Variants in HENMT1 observed in about 807,000 individuals in gnomAD.
The protein encoded by HENMT1 is small RNA 2'-O-methyltransferase.
In HENMT1, 27 loss-of-function variants were observed where a neutral mutation model predicts 31.1. The observed-to-expected ratio is 0.87, with a 90% confidence interval of 0.64 to 1.20. The LOEUF (loss-of-function observed/expected upper bound fraction) is 1.20. Ranked by LOEUF, HENMT1 falls within the 50% of genes most tolerant of loss-of-function variation. HENMT1 has a pLI of 0.00. For missense variants in HENMT1, 438 were observed against 469.6 expected, an observed-to-expected ratio of 0.93 and a Z score of 0.62; for synonymous variants, 167 against 172.2, an observed-to-expected ratio of 0.97 and a Z score of 0.24.
In HENMT1 at chr1:108,654,819, G is replaced by C; in HGVS notation, c.295C>G (p.Leu99Val). 6.2e-7 allele frequency: 1 copy of C among 1,614,094 alleles called. No individual in the cohort carries two copies. Among genetic ancestry groups the C allele is most frequent in the Non-Finnish European group, 8.5e-7 (1 of 1,179,974 alleles). The change falls in exon 5 of 8, where the codon CTG (leucine) becomes GTG (valine). Residue 99 changes from leucine (L) to valine (V), a missense_variant. Transcript: ENST00000651461. Reference protein sequence around the residue: ...DSLAPFLGDFLKPRDLNLTIT... With the variant: ...DSLAPFLGDFVKPRDLNLTIT... ...GTCAAATTCAGATCCCGAGGTTTCA[G>C]AAAATCCCCCAGGAAAGGAGCTAAC...
At chr1:108,660,610 C>A (rs72695692) in intron 1 of HENMT1, among the ~76,000 whole-genome samples, 1,795 of 152,356 alleles carry the variant, frequency 0.012, 14 homozygotes, top group Non-Finnish European at 0.021. Flanking sequence ...ATCTAGGCAA[C>A]ATGTTAGTCA....
upstream of HENMT1, chr1:108,661,446 T>A (rs1658482845): frequency 1.3e-5 from 2 of 152,372 alleles, no homozygotes; most frequent in South Asian, 2.1e-4. Context: ...TCCGAGCGCG[T>A]CCGCAGACCG....
chr1:108,661,006 A>G lies in HENMT1; in HGVS notation c.-122T>C. ...CTTTGTACGGGCCGTCGCTTCCATCATCCTGCGGTAAGCAGCATGCCCAAC... is the reference window on the plus strand; with the variant it reads ...CTTTGTACGGGCCGTCGCTTCCATCGTCCTGCGGTAAGCAGCATGCCCAAC... On this transcript the variant is annotated 5_prime_UTR_variant, in exon 1 of 8. The change abolishes an upstream ATG in the 5' untranslated region. Coordinates refer to ENST00000651461, the MANE Select transcript of HENMT1 (RefSeq NM_001102592.2). 2.0e-6 allele frequency: 2 copies of G among 985,166 alleles called. No homozygotes were observed. Among genetic ancestry groups the G allele is most frequent in the Non-Finnish European group, 2.4e-6 (2 of 829,832 alleles). 61.0% of individuals were successfully genotyped at this position (985,166 alleles called of 1,614,324 possible).
intron 2 of HENMT1, among the ~76,000 whole-genome samples, chr1:108,657,956 T>A (rs905568310): frequency 2.1e-5 from 3 of 144,098 alleles, no homozygotes; most frequent in Admixed American, 6.7e-5. Context: ...ATATTTATAA[T>A]GACTGACTAT....
Position 108,651,119 on chromosome 1 carries a change from T to A in HENMT1, c.489A>T (p.Pro163=). The part of the protein sequence containing the change: ...LSPSMIVIST[P]NSEFNPLFPS... ...GAAACAGGGGATTGAATTCAGAGTT[T>A]GGTGTGCTGATGACAATCATGGATG... The change falls in exon 6 of 8, where the codon CCA becomes CCT. Residue 163 remains proline, a synonymous_variant. Coordinates refer to ENST00000651461, the MANE Select transcript of HENMT1 (RefSeq NM_001102592.2). 6.2e-7 allele frequency: 1 copy of A among 1,613,982 alleles called. No homozygotes were observed. The highest frequency in any genetic ancestry group is 8.5e-7 in the Non-Finnish European group (1 of 1,179,854).
chr1:108,651,889 T>TA (rs34728420), intron 5 of HENMT1, among the ~76,000 whole-genome samples: 4 of 151,768 alleles, frequency 2.6e-5, no homozygotes, highest in East Asian at 1.9e-4. Flanking sequence ...TCAATACCTC[T>TA]AAAAAAAAGT....
intron 7 of HENMT1, chr1:108,649,990 T>A (rs774753917): frequency 1.4e-5 from 9 of 646,026 alleles, no homozygotes; most frequent in Non-Finnish European, 2.6e-5. Context: ...AGCAGATCAT[T>A]CCCTTTAACA....
chr1:108,657,155 G>A (rs1016092906), intron 3 of HENMT1, among the ~76,000 whole-genome samples: 3 of 151,918 alleles, frequency 2.0e-5, no homozygotes, highest in Non-Finnish European at 2.9e-5. Flanking sequence ...TTCCCCCAGG[G>A]CCCTGCACTA....
chr1:108,658,143 TC>T (rs371678739), intron 2 of HENMT1, among the ~76,000 whole-genome samples: 2 of 148,028 alleles, frequency 1.4e-5, no homozygotes, highest in Non-Finnish European at 3.0e-5. Context: ...ATTTTTTTTT[TC>T]CCCCCAAGAC....
At chr1:108,649,457 A>G (rs1487784361) in intron 7 of HENMT1, 4 of 441,906 alleles carry the variant, frequency 9.1e-6, no homozygotes, top group East Asian at 7.0e-5. Flanking sequence ...AACAAAAAAC[A>G]AAACAAAAAA....
Position 108,648,379 on chromosome 1 carries a change from C to G in HENMT1, c.*187G>C, listed in dbSNP as rs966397439. ...AAGGAAAGCACCCGTTTTAAACCCT[C>G]ATATCTTTCTCAGGGCTCACTGCAG... On this transcript the variant is annotated 3_prime_UTR_variant, in exon 8 of 8. Transcript: ENST00000651461. The G allele has an allele frequency of 3.4e-6, 2 of 587,380 alleles. No homozygotes were observed. The highest frequency in any genetic ancestry group is 3.7e-5 in the African/African-American group (2 of 53,504). The allele number at this position is 587,380 out of a possible 1,614,324, so 36.4% of individuals were successfully genotyped here.
rs1347491428 is a variant in HENMT1 at position 108,648,977 on chromosome 1, T to C, written c.771A>G (p.Ser257=). ...QHVYKAVFTT[S]YPSLQQERFF... is the part of the protein sequence containing the mutation. ...ACCTTTCCTGCTGTAAGCTTGGGTA[T>C]GAGGTGGTAAAAACCTGAAGGGAAA... The change falls in exon 8 of 8, where the codon TCA becomes TCG. Residue 257 remains serine (S), a synonymous_variant. Transcript: ENST00000651461. 1 of 1,591,122 alleles carries C rather than the reference T, an allele frequency of 6.3e-7. No homozygotes were observed. Among genetic ancestry groups the C allele is most frequent in the African/African-American group, 1.4e-5 (1 of 73,940 alleles).
chr1:108,649,982 C>A (rs1658000350), intron 7 of HENMT1: 1 of 628,254 alleles, frequency 1.6e-6, no homozygotes, highest in South Asian at 1.5e-5. Flanking sequence ...ACAACCCCAG[C>A]AGATCATTCC....
At chr1:108,660,748 C>A (rs1658433625) in intron 1 of HENMT1, among the ~76,000 whole-genome samples, 1 of 151,704 alleles carries the variant, frequency 6.6e-6, no homozygotes, top group South Asian at 2.1e-4. Context: ...AACGGTGAAA[C>A]CCCGTCTCTA....
Position 108,648,296 on chromosome 1 carries a change from T to G in HENMT1, c.*270A>C. 2.2e-6 allele frequency: 1 copy of G among 447,200 alleles called. No homozygotes were observed. Among genetic ancestry groups the G allele is most frequent in the South Asian group, 3.0e-5 (1 of 33,748 alleles). 27.7% of individuals were successfully genotyped at this position (447,200 alleles called of 1,614,324 possible). On this transcript the variant is annotated 3_prime_UTR_variant, in exon 8 of 8. Transcript: ENST00000651461. Reference sequence around the variant, plus strand: ...CAAAAAAAATAGGTAAGTTCAAAATTAACATATTACCACATCCAACTTCTT... The same window carrying G: ...CAAAAAAAATAGGTAAGTTCAAAATGAACATATTACCACATCCAACTTCTT...
intron 7 of HENMT1, chr1:108,650,001 T>C (rs1189895433): frequency 1.8e-5 from 12 of 664,414 alleles, no homozygotes; most frequent in Non-Finnish European, 3.0e-5. Context: ...CCCTTTAACA[T>C]GCCTTGAAAC....
intron 7 of HENMT1, 56 bp from the exon 8 acceptor site, chr1:108,649,047 T>C (rs184325659): frequency 1.2e-4 from 162 of 1,404,706 alleles, no homozygotes; most frequent in Non-Finnish European, 1.4e-4. Context: ...CATACATAAA[T>C]TTTCAAAGCC....
rs1298529607 is a variant in HENMT1 at position 108,648,890 on chromosome 1, G to A, written c.858C>T (p.His286=). The change falls in exon 8 of 8, where the codon CAC becomes CAT. Residue 286 remains histidine, a synonymous_variant. Transcript: ENST00000651461. ...CAGCCTGTTCTTTCCGCCTTGGCAG[G>A]TGGCTCACTCTTAAGCTTTCCACTT... is the stretch of plus-strand genomic sequence containing the variant. The part of the protein sequence containing the change: ...SQQVESLRVS[H]LPRRKEQAGE... 1 of 1,614,194 alleles carries A rather than the reference G, an allele frequency of 6.2e-7. No individual in the cohort carries two copies.
chr1:108,650,118 C>T (rs770294619), intron 7 of HENMT1, 93 bp downstream of exon 7: 5 of 1,085,632 alleles, frequency 4.6e-6, no homozygotes, highest in South Asian at 3.8e-5. Context: ...GTCATTTACA[C>T]TCATCTCTAC....
Sources: gnomAD v4.1 joint callset for allele counts (sites outside exome capture counted in the v4.1 genomes callset) on GRCh38, gnomAD v4.1.1 for gene constraint, MANE v1.5 for transcripts, NCBI Gene and HGNC (gene_info 2026-07-23, HGNC 2026-07-21) for gene names.